The following SGMS1 variants were observed in gnomAD, a reference collection of about 807,000 sequenced individuals.
SGMS1 encodes the protein phosphatidylcholine:ceramide cholinephosphotransferase 1.
A neutral mutation model predicts 46.2 loss-of-function variants in SGMS1; 13 were observed. The ratio of observed to expected loss-of-function variants is 0.28; its 90% CI spans 0.18 to 0.45. The LOEUF is 0.45. Among genes scored for constraint, SGMS1 ranks in the 20% least tolerant of loss-of-function variants. The probability of loss-of-function intolerance (pLI) is 1.00; values close to 1 mark genes in which losing one functional copy is unlikely to be tolerated. For missense variants in SGMS1, 324 were observed against 519.9 expected, an observed-to-expected ratio of 0.62 and a Z score of 3.66; for synonymous variants, 203 against 187.8, an observed-to-expected ratio of 1.08 and a Z score of -0.66.
chr10:50,516,774 T>G (rs1020410540), intron 3 of SGMS1, among the ~76,000 whole-genome samples: 2 of 152,208 alleles, frequency 1.3e-5, no homozygotes, highest in African/African-American at 4.8e-5. Flanking sequence ...TTCTGGTGGA[T>G]TAGATATTTG....
chr10:50,368,595 A>T (rs911298600), intron 6 of SGMS1, among the ~76,000 whole-genome samples: 1 of 152,192 alleles, frequency 6.6e-6, no homozygotes, highest in Non-Finnish European at 1.5e-5. Context: ...ACCTCAGGTG[A>T]TCTGCCCTCC....
intron 8 of SGMS1, among the ~76,000 whole-genome samples, chr10:50,321,296 T>A (rs75775671): frequency 0.015 from 2,283 of 152,290 alleles, 59 homozygotes; most frequent in African/African-American, 0.053. Context: ...TATACTGAAT[T>A]GTTAATAGTA....
intron 6 of SGMS1, among the ~76,000 whole-genome samples, chr10:50,360,319 A>G (rs767305502): frequency 6.6e-6 from 1 of 152,322 alleles, no homozygotes; most frequent in Non-Finnish European, 1.5e-5. Context: ...AGGGAAAACA[A>G]TAAGCTATTA....
intron 5 of SGMS1, among the ~76,000 whole-genome samples, chr10:50,454,217 G>C (rs894658682): frequency 6.6e-6 from 1 of 152,120 alleles, no homozygotes; most frequent in African/African-American, 2.4e-5. Context: ...CAGATCATGG[G>C]GGGCCTCACA....
At chr10:50,377,563 C>T (rs540723232) in intron 6 of SGMS1, among the ~76,000 whole-genome samples, 23 of 152,240 alleles carry the variant, frequency 1.5e-4, no homozygotes, top group Non-Finnish European at 2.2e-4. Context: ...TTTTCTGGTA[C>T]GCCATACTTC....
At chr10:50,474,537 A>T (rs888074840) in intron 3 of SGMS1, among the ~76,000 whole-genome samples, 19 of 152,178 alleles carry the variant, frequency 1.2e-4, no homozygotes, top group African/African-American at 4.6e-4. Flanking sequence ...CTGTCACATG[A>T]TGAATTCTCA....
intron 3 of SGMS1, chr10:50,473,839 G>A (rs1837398581): frequency 6.6e-6 from 1 of 152,182 alleles, no homozygotes; most frequent in Non-Finnish European, 1.5e-5. Flanking sequence ...ATAGCTGATT[G>A]GACCCGAAAG....
intron 2 of SGMS1, among the ~76,000 whole-genome samples, chr10:50,542,774 C>G (rs867333194): frequency 3.9e-4 from 56 of 143,430 alleles, no homozygotes; most frequent in African/African-American, 1.3e-3. Flanking sequence ...CAAAAAGTCT[C>G]AATTATTGTT....
chr10:50,449,702 C>T (rs904874252), intron 5 of SGMS1, among the ~76,000 whole-genome samples: 1 of 151,944 alleles, frequency 6.6e-6, no homozygotes, highest in African/African-American at 2.4e-5. Context: ...TCCCCATCCA[C>T]TTCTCTTCTT....
chr10:50,434,586 G>A (rs1290370250), intron 5 of SGMS1, among the ~76,000 whole-genome samples: 3 of 151,974 alleles, frequency 2.0e-5, no homozygotes, highest in African/African-American at 7.2e-5. Flanking sequence ...AAGAAAGGAG[G>A]AGATGATTGG....
intron 6 of SGMS1, among the ~76,000 whole-genome samples, chr10:50,429,219 C>T (rs1354733134): frequency 1.3e-5 from 2 of 152,122 alleles, no homozygotes; most frequent in Non-Finnish European, 2.9e-5. Flanking sequence ...ATGTTTTGGT[C>T]AACAAGGGAC....
intron 2 of SGMS1, among the ~76,000 whole-genome samples, chr10:50,574,790 T>C (rs371767727): frequency 1.3e-5 from 2 of 151,974 alleles, no homozygotes; most frequent in Non-Finnish European, 2.9e-5. Flanking sequence ...TAGGAAGATG[T>C]TGAATGTTTC....
intron 2 of SGMS1, among the ~76,000 whole-genome samples, chr10:50,586,840 G>A (rs1227080206): frequency 2.0e-5 from 3 of 152,186 alleles, no homozygotes; most frequent in Non-Finnish European, 4.4e-5. Context: ...AGAAAACCTT[G>A]TTTAATTCTC....
intron 2 of SGMS1, among the ~76,000 whole-genome samples, chr10:50,560,936 CTG>C: frequency 6.6e-6 from 1 of 152,232 alleles, no homozygotes; most frequent in South Asian, 2.1e-4. Flanking sequence ...AAAAGTCCTG[CTG>C]TGTGTCTTAA....
intron 6 of SGMS1, among the ~76,000 whole-genome samples, chr10:50,386,673 G>C (rs1476258058): frequency 6.6e-6 from 1 of 152,134 alleles, no homozygotes; most frequent in Non-Finnish European, 1.5e-5. Flanking sequence ...GAGGATTACT[G>C]AATTTTCAGA....
intron 6 of SGMS1, among the ~76,000 whole-genome samples, chr10:50,391,202 G>C (rs1419842012): frequency 6.6e-6 from 1 of 152,154 alleles, no homozygotes; most frequent in African/African-American, 2.4e-5. Context: ...AAAAGAGAAA[G>C]GACTTCTAGT....
chr10:50,339,551 C>T (rs1847777225), intron 7 of SGMS1, among the ~76,000 whole-genome samples: 1 of 152,202 alleles, frequency 6.6e-6, no homozygotes, highest in Non-Finnish European at 1.5e-5. Context: ...CATTTACTGC[C>T]TCCCTTACAC....
In SGMS1 at chr10:50,344,319, C is replaced by T. The variant is rs1284486173; in HGVS notation, c.-205G>A. The stretch of plus-strand genomic sequence containing the variant: ...TCCTGAGCGCCCAAGTATTAATTCA[C>T]CTCATTTTTGAGCAGGATTCTTCCT... On this transcript the variant is annotated 5_prime_UTR_variant, in exon 7 of 11. In the 5' UTR this introduces an upstream ATG that the reference lacks. Transcript: ENST00000361781. The T allele has an allele frequency of 7.6e-6, 4 of 527,678 alleles. No homozygotes were observed. Among genetic ancestry groups the T allele is most frequent in the African/African-American group, 7.5e-5 (4 of 53,150 alleles). The allele number at this position is 527,678 out of a possible 1,614,324, so 32.7% of individuals were successfully genotyped here. A position where few individuals can be genotyped will look rare whatever the true frequency, so the allele number is the denominator to read the frequency against.
At chr10:50,518,715 C>T (rs952604750) in intron 3 of SGMS1, among the ~76,000 whole-genome samples, 3 of 152,124 alleles carry the variant, frequency 2.0e-5, no homozygotes, top group South Asian at 2.1e-4. Flanking sequence ...CATCGCACCC[C>T]GCCACAATGA....
Sources: gnomAD v4.1 joint callset for allele counts (sites outside exome capture counted in the v4.1 genomes callset) on GRCh38, gnomAD v4.1.1 for gene constraint, MANE v1.5 for transcripts, NCBI Gene and HGNC (gene_info 2026-07-23, HGNC 2026-07-21) for gene names.